NCKAP5: variants seen among roughly 807,000 people sequenced by gnomAD.
The protein encoded by NCKAP5 is nck-associated protein 5.
NCKAP5 carries 92 observed loss-of-function variants against 167.0 expected under a neutral mutation model. The ratio of observed to expected loss-of-function variants is 0.55; its 90% confidence interval spans 0.47 to 0.66. The LOEUF is 0.66. Ranked by LOEUF, NCKAP5 falls within the 30% of genes least tolerant of loss-of-function variation. The pLI, the probability that NCKAP5 is intolerant of heterozygous loss-of-function variation, is 0.00. For missense variants in NCKAP5, 2,378 were observed against 2,315.0 expected, an observed-to-expected ratio of 1.03 and a Z score of -0.56; for synonymous variants, 891 against 877.4, an observed-to-expected ratio of 1.02 and a Z score of -0.27.
chr2:133,442,716 G>A (rs1341976238), intron 3 of NCKAP5, among the ~76,000 whole-genome samples: 2 of 152,220 alleles, frequency 1.3e-5, no homozygotes, highest in African/African-American at 2.4e-5. Flanking sequence ...CTATCGAAAG[G>A]GAGGACTTGT....
chr2:133,313,419 A>C, intron 3 of NCKAP5, among the ~76,000 whole-genome samples: 1 of 152,288 alleles, frequency 6.6e-6, no homozygotes, highest in East Asian at 1.9e-4. Flanking sequence ...CAAAAGTTAA[A>C]CAATTTTTAG....
chr2:133,411,722 C>G (rs541369496), intron 3 of NCKAP5, among the ~76,000 whole-genome samples: 26 of 152,186 alleles, frequency 1.7e-4, no homozygotes, highest in Non-Finnish European at 3.4e-4. Context: ...TTAGCCATTT[C>G]TCTTGCTTGG....
chr2:132,959,091 T>TTAATAATATATTAATAAATA (rs2076431172), intron 8 of NCKAP5, among the ~76,000 whole-genome samples: 2 of 137,144 alleles, frequency 1.5e-5, no homozygotes, highest in African/African-American at 6.2e-5. Context: ...AATAAATATA[T>TTAATAATATATTAATAAATA]TATTAATATA....
chr2:133,610,534 C>T, the NCKAP5 span, among the ~76,000 whole-genome samples: 2 of 152,074 alleles, frequency 1.3e-5, no homozygotes, highest in Non-Finnish European at 2.9e-5. Flanking sequence ...AGGGGTGTTC[C>T]CTCCTGCCTG....
chr2:132,925,184 G>A (rs1250432463), intron 8 of NCKAP5, among the ~76,000 whole-genome samples: 1 of 152,024 alleles, frequency 6.6e-6, no homozygotes, highest in Non-Finnish European at 1.5e-5. Context: ...AGATCATCAG[G>A]CATTAGATTC....
At chr2:133,005,807 G>A (rs1014790496) in intron 6 of NCKAP5, among the ~76,000 whole-genome samples, 3 of 152,144 alleles carry the variant, frequency 2.0e-5, no homozygotes, top group African/African-American at 7.2e-5. Flanking sequence ...ATAATTTATA[G>A]TGAGGATACA....
At chr2:133,663,436 A>C in the NCKAP5 span, among the ~76,000 whole-genome samples, 1 of 152,288 alleles carries the variant, frequency 6.6e-6, no homozygotes, top group African/African-American at 2.4e-5. Context: ...GAAAAAAATA[A>C]AGTTTGACAT....
At chr2:132,873,037 A>G (rs1189615639) in intron 9 of NCKAP5, among the ~76,000 whole-genome samples, 2 of 152,204 alleles carry the variant, frequency 1.3e-5, no homozygotes, top group African/African-American at 4.8e-5. Flanking sequence ...CTAAATGTGA[A>G]TCAGGCCAGT....
intron 8 of NCKAP5, among the ~76,000 whole-genome samples, chr2:132,927,413 A>G (rs1695990994): frequency 1.3e-5 from 2 of 151,702 alleles, no homozygotes. Flanking sequence ...TGACATTGGT[A>G]TTTTGATAGG....
intron 8 of NCKAP5, among the ~76,000 whole-genome samples, chr2:132,898,015 A>G (rs1356242074): frequency 6.6e-6 from 1 of 152,218 alleles, no homozygotes; most frequent in African/African-American, 2.4e-5. Flanking sequence ...TTCCTTTCAC[A>G]GAACATTTTT....
intron 7 of NCKAP5, among the ~76,000 whole-genome samples, chr2:132,985,876 A>G (rs929328897): frequency 2.6e-5 from 4 of 152,226 alleles, no homozygotes; most frequent in Non-Finnish European, 5.9e-5. Flanking sequence ...ACATAAATAA[A>G]AGCTCTCAAT....
In NCKAP5 at chr2:133,208,287, G is replaced by C. The variant is rs546917090; in HGVS notation, c.207+5429C>G. Among the ~76,000 whole-genome samples the C allele has an allele frequency of 1.4e-4, 21 of 152,250 alleles. No homozygotes were observed. In the South Asian group the frequency reaches 3.9e-3, roughly 29 times the overall value. On this transcript the variant is annotated intron_variant, in intron 5 of 19. Transcript: ENST00000409261. ...CCGGCAGGAGAGGCTGCAGAGAGCT[G>C]ACACTGTACCGCTGCATTCTGGCCT...
chr2:133,399,717 C>A (rs1362035429), intron 3 of NCKAP5, among the ~76,000 whole-genome samples: 3 of 152,148 alleles, frequency 2.0e-5, no homozygotes, highest in African/African-American at 7.2e-5. Flanking sequence ...TTTCAAGTAA[C>A]TGGTGCGGGC....
rs1695443578 is a variant in NCKAP5 at position 132,921,694 on chromosome 2, C to A, written c.579+42026G>T. On this transcript the variant is annotated intron_variant, in intron 8 of 19. Transcript: ENST00000409261. Reference sequence around the variant, plus strand: ...ATAGCATCAGTTGATGTTTCCTGGGCCAACATCAATTACCTATCTTTGGGA... The same window carrying A: ...ATAGCATCAGTTGATGTTTCCTGGGACAACATCAATTACCTATCTTTGGGA... Among the ~76,000 whole-genome samples the A allele has an allele frequency of 3.9e-5, 6 of 152,128 alleles. No individual in the cohort carries two copies. The South Asian group carries it at 1.2e-3, about 32-fold the overall frequency.
chr2:133,234,616 C>T (rs2150264777), intron 4 of NCKAP5, among the ~76,000 whole-genome samples: 1 of 152,210 alleles, frequency 6.6e-6, no homozygotes, highest in Non-Finnish European at 1.5e-5. Flanking sequence ...AAACTGTTCG[C>T]AGATTTTCTG....
chr2:133,546,848 C>T (rs1205398014), intron 2 of NCKAP5, among the ~76,000 whole-genome samples: 1 of 152,138 alleles, frequency 6.6e-6, no homozygotes, highest in Non-Finnish European at 1.5e-5. Context: ...TTGTCCAATG[C>T]TTCAAAAGAT....
At chr2:133,130,151 T>C in intron 5 of NCKAP5, 40 bp from the exon 6 acceptor site, 2 of 1,574,438 alleles carry the variant, frequency 1.3e-6, no homozygotes, top group Non-Finnish European at 1.7e-6. Context: ...AGGAAGGTGT[T>C]TATGACAAAA....
intron 6 of NCKAP5, among the ~76,000 whole-genome samples, chr2:133,084,883 A>G (rs1379824903): frequency 6.6e-6 from 1 of 152,204 alleles, no homozygotes; most frequent in Non-Finnish European, 1.5e-5. Context: ...TGGAAGGATA[A>G]TGTTGAAGGT....
chr2:133,109,990 G>T, intron 6 of NCKAP5, among the ~76,000 whole-genome samples: 1 of 152,244 alleles, frequency 6.6e-6, no homozygotes, highest in South Asian at 2.1e-4. Flanking sequence ...ATACAAGAAG[G>T]CTTCAGAGAA....
Sources: gnomAD v4.1 joint callset for allele counts (sites outside exome capture counted in the v4.1 genomes callset) on GRCh38, gnomAD v4.1.1 for gene constraint, MANE v1.5 for transcripts, NCBI Gene and HGNC (gene_info 2026-07-23, HGNC 2026-07-21) for gene names.